Variants in FSTL4 observed in about 807,000 individuals in gnomAD.
The protein encoded by FSTL4 is follistatin like 4.
In FSTL4, 28 loss-of-function variants were observed where a neutral mutation model predicts 78.2. The observed-to-expected ratio is 0.36, with a 90% CI of 0.27 to 0.49. The LOEUF is 0.49. Among genes scored for constraint, FSTL4 ranks in the 20% least tolerant of loss-of-function variants. The probability of loss-of-function intolerance (pLI) is 0.98; values close to 1 mark genes in which losing one functional copy is unlikely to be tolerated. For synonymous variants in FSTL4, 422 were observed against 440.5 expected (o/e 0.96, Z 0.53); for missense variants, 922 against 1,084.9 (o/e 0.85, Z 2.11).
chr5:133,689,795 C>T, the FSTL4 span, among the ~76,000 whole-genome samples: 2 of 152,188 alleles, frequency 1.3e-5, no homozygotes, highest in African/African-American at 4.8e-5. Flanking sequence ...GGCACGGTGG[C>T]TCACGCCTGT....
intron 3 of FSTL4, among the ~76,000 whole-genome samples, chr5:133,445,951 T>G (rs553771034): frequency 6.6e-6 from 1 of 152,304 alleles, no homozygotes; most frequent in East Asian, 1.9e-4. Flanking sequence ...AAACCACGTG[T>G]CCCCTGGCAG....
chr5:133,364,293 G>T (rs1357030251), intron 4 of FSTL4, among the ~76,000 whole-genome samples: 1 of 152,078 alleles, frequency 6.6e-6, no homozygotes, highest in Non-Finnish European at 1.5e-5. Flanking sequence ...TGTTGGGGGT[G>T]TGGGGGTGGG....
At chr5:133,793,613 A>C in the FSTL4 span, among the ~76,000 whole-genome samples, 1 of 152,216 alleles carries the variant, frequency 6.6e-6, no homozygotes. Flanking sequence ...ACCTGACCTG[A>C]TTCCACACTG....
intron 6 of FSTL4, among the ~76,000 whole-genome samples, chr5:133,269,602 T>C (rs1013979715): frequency 1.3e-5 from 2 of 152,220 alleles, no homozygotes; most frequent in Admixed American, 6.5e-5. Flanking sequence ...TCATGCTCAC[T>C]TGGGTTCTGG....
At chr5:133,377,572 C>A (rs149632334) in intron 4 of FSTL4, among the ~76,000 whole-genome samples, 1 of 150,522 alleles carries the variant, frequency 6.6e-6, no homozygotes, top group African/African-American at 2.4e-5. Context: ...TCCATGAGAG[C>A]AACAAGCTAG....
chr5:133,604,516 C>G (rs1010162667), intron 1 of FSTL4, among the ~76,000 whole-genome samples: 1 of 152,140 alleles, frequency 6.6e-6, no homozygotes, highest in Non-Finnish European at 1.5e-5. Flanking sequence ...TGAGACCAGT[C>G]TGGCCAACAT....
At chr5:133,839,291 G>A in the FSTL4 span, among the ~76,000 whole-genome samples, 1 of 152,248 alleles carries the variant, frequency 6.6e-6, no homozygotes, top group East Asian at 1.9e-4. Flanking sequence ...GCTCCTCATG[G>A]TCCACTCTAC....
chr5:133,437,488 T>TTG (rs1173565382), intron 3 of FSTL4, among the ~76,000 whole-genome samples: 1 of 139,828 alleles, frequency 7.2e-6, no homozygotes, highest in African/African-American at 2.8e-5. Flanking sequence ...AATAGGTGTT[T>TTG]TTTTTTTTTT....
the FSTL4 span, among the ~76,000 whole-genome samples, chr5:133,822,472 C>A: frequency 1.3e-5 from 2 of 152,122 alleles, no homozygotes; most frequent in African/African-American, 2.4e-5. Flanking sequence ...GCTCTGAAAT[C>A]CAATTAAAAT....
At chr5:133,696,917 C>T in the FSTL4 span, among the ~76,000 whole-genome samples, 30 of 152,342 alleles carry the variant, frequency 2.0e-4, no homozygotes, top group East Asian at 7.7e-4. Context: ...CTGAGGCCCA[C>T]GAAGCCTAAA....
At chr5:133,840,702 TA>T in the FSTL4 span, among the ~76,000 whole-genome samples, 1 of 152,168 alleles carries the variant, frequency 6.6e-6, no homozygotes, top group Admixed American at 6.5e-5. Flanking sequence ...GCTACCAGGC[TA>T]AAAGTCTACA....
intron 3 of FSTL4, among the ~76,000 whole-genome samples, chr5:133,531,051 G>T (rs1439313222): frequency 6.6e-6 from 1 of 152,196 alleles, no homozygotes; most frequent in Non-Finnish European, 1.5e-5. Context: ...CCCTGGATAG[G>T]GCCGATATTC....
chr5:133,792,537 C>G, the FSTL4 span, among the ~76,000 whole-genome samples: 1 of 152,184 alleles, frequency 6.6e-6, no homozygotes, highest in Non-Finnish European at 1.5e-5. Flanking sequence ...CATGCACATC[C>G]ATGTAGAAAT....
At chr5:133,649,544 A>G in the FSTL4 span, among the ~76,000 whole-genome samples, 1 of 152,192 alleles carries the variant, frequency 6.6e-6, no homozygotes, top group African/African-American at 2.4e-5. Context: ...CTGGGTTTTG[A>G]CCATTCTAAT....
At position 133,307,591 on chromosome 5, in the gene FSTL4, G is replaced by A. The variant is rs549574860; in HGVS notation, c.727+5063C>T. Among the ~76,000 whole-genome samples the A allele has an allele frequency of 4.1e-4, 63 of 152,098 alleles. No homozygotes were observed. The South Asian group carries it at 0.013, about 31-fold the overall frequency. ...GTACTAAGAGCCTATTACTAACTAC[G>A]GCGATATTGACAAGCAAAGTCATTC... On this transcript the variant is annotated intron_variant, in intron 6 of 15. Transcript: ENST00000265342.
At chr5:133,645,719 G>A in the FSTL4 span, among the ~76,000 whole-genome samples, 1 of 152,132 alleles carries the variant, frequency 6.6e-6, no homozygotes, top group African/African-American at 2.4e-5. Context: ...TGAGAGTGAG[G>A]AAGAGGGAGA....
At chr5:133,774,238 T>A in the FSTL4 span, among the ~76,000 whole-genome samples, 11 of 152,162 alleles carry the variant, frequency 7.2e-5, no homozygotes, top group Admixed American at 7.2e-4. Context: ...AAAGCCTAAG[T>A]ATGAGGATTA....
At chr5:133,604,631 C>T (rs552022873) in intron 1 of FSTL4, among the ~76,000 whole-genome samples, 97 of 152,222 alleles carry the variant, frequency 6.4e-4, no homozygotes, top group African/African-American at 2.1e-3. Flanking sequence ...ATCGCTTGAA[C>T]TCGGGAGGCG....
At chr5:133,637,716 G>A in the FSTL4 span, among the ~76,000 whole-genome samples, 8 of 151,698 alleles carry the variant, frequency 5.3e-5, no homozygotes, top group Non-Finnish European at 1.0e-4. Flanking sequence ...CACTTGTATG[G>A]AAGAGCTCTT....
Sources: allele counts gnomAD v4.1 joint callset (sites outside exome capture counted in the v4.1 genomes callset), GRCh38; gene constraint gnomAD v4.1.1; transcripts MANE v1.5; gene names NCBI Gene and HGNC (gene_info 2026-07-23, HGNC 2026-07-21).